The following PAK4 variants were observed in gnomAD, a reference collection of about 807,000 sequenced individuals.
PAK4 encodes the protein p21 (RAC1) activated kinase 4.
In PAK4, 49 loss-of-function variants were observed where a neutral mutation model predicts 53.5. That is an observed-to-expected ratio of 0.92 (90% CI 0.73 to 1.16). PAK4 has a LOEUF of 1.16. Ranked by LOEUF, PAK4 falls within the 50% of genes most tolerant of loss-of-function variation. The pLI, the probability that PAK4 is intolerant of heterozygous loss-of-function variation, is 0.00. For synonymous variants in PAK4, 376 were observed against 375.6 expected (o/e 1.00, Z -0.01); for missense variants, 824 against 850.7 (o/e 0.97, Z 0.39).
intron 2 of PAK4, among the ~76,000 whole-genome samples, chr19:39,171,924 C>T (rs996000754): frequency 5.3e-5 from 8 of 152,170 alleles, no homozygotes; most frequent in South Asian, 4.1e-4. Flanking sequence ...GAGCAGGACC[C>T]GAAGCAGACA....
rs558779589 is a variant in PAK4, at chr19:39,126,930, C to T, written c.-23+1011C>T. Among the ~76,000 whole-genome samples the T allele has an allele frequency of 4.6e-5, 7 of 152,288 alleles. No homozygotes were observed. In the South Asian group the frequency reaches 1.4e-3, roughly 32 times the overall value. On this transcript the variant is annotated intron_variant, in intron 1 of 8. Transcript: ENST00000358301. ...AATCGAAGCTGGGCCTGGGTGATTC[C>T]AGGGCTCCTGCCCCTGGTCGCCACA...
chr19:39,173,511 C>A lies in PAK4; in HGVS notation c.664-65C>A. The A allele has an allele frequency of 2.8e-6, 4 of 1,412,262 alleles. No homozygotes were observed. The South Asian group carries it at 4.2e-5, about 15-fold the overall frequency. 87.5% of individuals were successfully genotyped at this position (1,412,262 alleles called of 1,614,324 possible). On this transcript the variant is annotated intron_variant, in intron 3 of 8. Coordinates refer to ENST00000358301, the Ensembl canonical transcript of PAK4. This position sits in a 1 kb window ranked among gnomAD's most constrained non-coding sequence, Gnocchi z 6.9. Reference sequence around the variant, plus strand: ...GTCTGTCCCATCGCTGGGTCTCTCTCCTGCTTAGGGAGCAGAGCTGCTCCC... The same window carrying A: ...GTCTGTCCCATCGCTGGGTCTCTCTACTGCTTAGGGAGCAGAGCTGCTCCC...
At chr19:39,126,823 T>C (rs1464071953) in intron 1 of PAK4, among the ~76,000 whole-genome samples, 2 of 151,780 alleles carry the variant, frequency 1.3e-5, no homozygotes, top group Non-Finnish European at 2.9e-5. Flanking sequence ...TGCTGCAATC[T>C]TGTGAAGTGA....
In PAK4 at chr19:39,178,243, C is replaced by T. The variant is rs891656864; in HGVS notation, c.1621-181C>T. Among the ~76,000 whole-genome samples, 31 of 152,120 alleles carry T rather than the reference C, an allele frequency of 2.0e-4. No homozygotes were observed. Among genetic ancestry groups the T allele is most frequent in the African/African-American group, 5.6e-4 (23 of 41,412 alleles). On this transcript the variant is annotated intron_variant, in intron 8 of 8. Transcript: ENST00000358301. This position sits in a 1 kb window ranked among gnomAD's most constrained non-coding sequence, Gnocchi z 4.4. The stretch of plus-strand genomic sequence containing the variant: ...TGGGGCCACATAGTAAGCGCCATCA[C>T]AGGTGCCATCACTGTCCCTGTCCCG...
At chr19:39,158,048 G>A (rs866655481) in intron 1 of PAK4, among the ~76,000 whole-genome samples, 5 of 150,926 alleles carry the variant, frequency 3.3e-5, no homozygotes, top group Middle Eastern at 6.8e-3. Flanking sequence ...ATGTGAGCAT[G>A]TATTTGTGAG....
intron 1 of PAK4, among the ~76,000 whole-genome samples, chr19:39,158,122 TGC>T (rs1568513627): frequency 6.6e-6 from 1 of 150,666 alleles, no homozygotes; most frequent in African/African-American, 2.5e-5. Flanking sequence ...ATTGTGTGAG[TGC>T]GTGCGTGCAT....
At position 39,177,828 on chromosome 19, in the gene PAK4, G is replaced by A; in HGVS notation, c.1620+19G>A. On this transcript the variant is annotated intron_variant, in intron 8 of 8. Coordinates refer to ENST00000358301, the Ensembl canonical transcript of PAK4. Reference sequence around the variant, plus strand: ...GCACAAGGTAGGCCCCTCCCTGGCTGGGAAACTGTGCGCCAGCTGGCGGGT... The same window carrying A: ...GCACAAGGTAGGCCCCTCCCTGGCTAGGAAACTGTGCGCCAGCTGGCGGGT... The A allele has an allele frequency of 6.3e-7, 1 of 1,596,232 alleles. No individual in the cohort carries two copies.
In PAK4 at chr19:39,169,760, A is replaced by G; in HGVS notation, c.204+3A>G. 1.3e-6 allele frequency: 2 copies of G among 1,589,406 alleles called. No individual in the cohort carries two copies. Among genetic ancestry groups the G allele is most frequent in the Middle Eastern group, 2.2e-4 (1 of 4,522 alleles). ...CCATCCAGCCCGGGGCCCCCAAGGTATGTGGCACCCACCACCACCTCCCCC... is the reference window on the plus strand; with the variant it reads ...CCATCCAGCCCGGGGCCCCCAAGGTGTGTGGCACCCACCACCACCTCCCCC... On this transcript the variant is annotated splice_donor_region_variant and intron_variant, in intron 2 of 8. Transcript: ENST00000358301.
At chr19:39,160,667 G>A (rs983622978) in intron 1 of PAK4, among the ~76,000 whole-genome samples, 1 of 152,220 alleles carries the variant, frequency 6.6e-6, no homozygotes, top group Non-Finnish European at 1.5e-5. Flanking sequence ...AGAGAAGCGA[G>A]GGGAGGAGAT....
chr19:39,133,746 A>G (rs567202839), intron 1 of PAK4, among the ~76,000 whole-genome samples: 4 of 152,234 alleles, frequency 2.6e-5, no homozygotes, highest in Non-Finnish European at 4.4e-5. Flanking sequence ...TGCTCCTGCC[A>G]CCTGTCCTGG....
At chr19:39,138,893 G>A (rs1216044891) in intron 1 of PAK4, among the ~76,000 whole-genome samples, 3 of 152,328 alleles carry the variant, frequency 2.0e-5, no homozygotes, top group Admixed American at 2.0e-4. Flanking sequence ...CCAGGACCCA[G>A]CCCTACTCTG....
chr19:39,126,463 C>CGGGGGGGGGG (rs1568491815), intron 1 of PAK4, among the ~76,000 whole-genome samples: 1 of 67,020 alleles, frequency 1.5e-5, no homozygotes, highest in African/African-American at 6.2e-5. Flanking sequence ...GGGGGGGGGC[C>CGGGGGGGGGG]GGGTCAGAGA....
chr19:39,148,464 T>G (rs2074039095), intron 1 of PAK4, among the ~76,000 whole-genome samples: 1 of 114,796 alleles, frequency 8.7e-6, no homozygotes, highest in Non-Finnish European at 1.7e-5. Context: ...AAGTTTCTTC[T>G]GCTTTTTTTT....
chr19:39,152,273 G>T (rs2074105304), intron 1 of PAK4: 1 of 152,098 alleles, frequency 6.6e-6, no homozygotes, highest in African/African-American at 2.4e-5. Flanking sequence ...TCCCGCCCGG[G>T]ACGTGAATCA....
intron 1 of PAK4, among the ~76,000 whole-genome samples, chr19:39,134,099 C>T (rs2073766079): frequency 6.6e-6 from 1 of 152,250 alleles, no homozygotes; most frequent in Admixed American, 6.5e-5. Context: ...GTTCTGTCGT[C>T]CCTTCCCCGC....
chr19:39,148,466 C>CTTTTTT lies in PAK4; in HGVS notation c.-22-21050_-22-21045dup, dbSNP rs74176491. 6.5e-4 allele frequency among the ~76,000 whole-genome samples: 37 copies of CTTTTTT among 56,796 alleles called. 12 individuals carry two copies. The highest frequency in any genetic ancestry group is 1.9e-3 in the South Asian group (2 of 1,048). The allele number at this position is 56,796 out of a possible 152,430, so 37.3% of individuals were successfully genotyped here. The stretch of plus-strand genomic sequence containing the variant: ...TTAGGTACCAAATAAGTTTCTTCTG[C>CTTTTTT]TTTTTTTTTTTTTTTTTTTTTGAGA... On this transcript the variant is annotated intron_variant, in intron 1 of 8. Coordinates refer to ENST00000358301, the Ensembl canonical transcript of PAK4.
intron 7 of PAK4, 142 bp from the exon 9 acceptor site, chr19:39,177,533 C>T: frequency 1.2e-6 from 1 of 810,194 alleles, no homozygotes; most frequent in African/African-American, 1.8e-5. Flanking sequence ...GGACTGCTGG[C>T]TGGGTGCCCA....
At chr19:39,145,513 T>C (rs988707628) in intron 1 of PAK4, among the ~76,000 whole-genome samples, 1 of 152,046 alleles carries the variant, frequency 6.6e-6, no homozygotes, top group Non-Finnish European at 1.5e-5. Flanking sequence ...CGCTCTGGGC[T>C]CCTCTCACCC....
In PAK4 at chr19:39,173,859, A is replaced by AC. The variant is rs764783013; in HGVS notation, c.952dup (p.Arg318ProfsTer134). On this transcript the variant is annotated frameshift_variant, in exon 4 of 9. Transcript: ENST00000358301. LOFTEE classifies it high-confidence loss of function. The surrounding 1 kb of genome is among the most constrained non-coding windows in gnomAD (Gnocchi z 6.9). Reference sequence around the variant, plus strand: ...CTGCAGCTGGTGGTGGACCCAGGCGACCCCCGCTCCTACCTGGACAACTTC... The same window carrying AC: ...CTGCAGCTGGTGGTGGACCCAGGCGACCCCCCGCTCCTACCTGGACAACTTC... 3 of 1,611,842 alleles carry AC rather than the reference A, an allele frequency of 1.9e-6. No individual in the cohort carries two copies. The highest frequency in any genetic ancestry group is 2.5e-6 in the Non-Finnish European group (3 of 1,179,662).
Sources: allele counts gnomAD v4.1 joint callset (sites outside exome capture counted in the v4.1 genomes callset), GRCh38; gene constraint gnomAD v4.1.1; non-coding constraint Gnocchi (gnomAD v3.1); transcripts MANE v1.5; gene names NCBI Gene and HGNC (gene_info 2026-07-23, HGNC 2026-07-21).